RASGRP3: variants seen among roughly 807,000 people sequenced by gnomAD.
RASGRP3 encodes RAS guanyl releasing protein 3.
RASGRP3 carries 54 observed loss-of-function variants against 82.7 expected under a neutral mutation model. The ratio of observed to expected loss-of-function variants is 0.65; its 90% CI spans 0.52 to 0.82. RASGRP3 has a LOEUF of 0.82. RASGRP3 is among the 40% of genes least tolerant of loss of function. RASGRP3 has a pLI of 0.00. For synonymous variants in RASGRP3, 309 were observed against 300.5 expected, an observed-to-expected ratio of 1.03 and a Z score of -0.29; for missense variants, 861 against 828.9, an observed-to-expected ratio of 1.04 and a Z score of -0.48.
At chr2:33,478,499 C>T (rs556535445) in intron 1 of RASGRP3, among the ~76,000 whole-genome samples, 9 of 152,202 alleles carry the variant, frequency 5.9e-5, no homozygotes, top group East Asian at 1.9e-4. Context: ...CCGGAATCAT[C>T]GAGCCTCCCA....
chr2:33,554,158 A>G (rs975242474), intron 14 of RASGRP3, among the ~76,000 whole-genome samples: 3 of 151,892 alleles, frequency 2.0e-5, no homozygotes, highest in Non-Finnish European at 2.9e-5. Context: ...GTCTTTGTAT[A>G]CTCTTGAGTC....
chr2:33,526,651 C>G (rs1463028822), intron 9 of RASGRP3, among the ~76,000 whole-genome samples: 1 of 152,190 alleles, frequency 6.6e-6, no homozygotes, highest in Admixed American at 6.5e-5. Context: ...AGTGAAGTGA[C>G]TTGCTCAAGG....
At chr2:33,552,247 A>T (rs566188848) in intron 14 of RASGRP3, among the ~76,000 whole-genome samples, 8 of 152,292 alleles carry the variant, frequency 5.3e-5, no homozygotes, top group Admixed American at 1.3e-4. Flanking sequence ...CCCTGGGTTA[A>T]AGTTTTGCCC....
At chr2:33,552,475 TG>T (rs1360784702) in intron 14 of RASGRP3, among the ~76,000 whole-genome samples, 1 of 152,338 alleles carries the variant, frequency 6.6e-6, no homozygotes, top group African/African-American at 2.4e-5. Context: ...CAGCTGTTTT[TG>T]TTTTTAAAAT....
rs1191402362 is a variant in RASGRP3, at chr2:33,516,412, G to A, written c.71-130G>A. The A allele has an allele frequency of 6.5e-6, 4 of 618,926 alleles. No individual in the cohort carries two copies. The African/African-American group carries it at 7.5e-5, about 12-fold the overall frequency. The allele number at this position is 618,926 out of a possible 1,614,324, so 38.3% of individuals were successfully genotyped here. On this transcript the variant is annotated intron_variant, in intron 3 of 17. Transcript: ENST00000403687. ...ACAGAGCAAGACTCCATCTTAAAAA[G>A]AAATAAAATAAAAGATCATTTGTCT... is the stretch of plus-strand genomic sequence containing the variant.
Position 33,535,877 on chromosome 2 carries a change from G to A in RASGRP3, c.1161+1477G>A, listed in dbSNP as rs372956851. On this transcript the variant is annotated intron_variant, in intron 11 of 17. Coordinates refer to ENST00000403687, the MANE Select transcript of RASGRP3 (RefSeq NM_001139488.2). ...TTGTCATGACGAACCTGGCCATGGT[G>A]TATTAAGCCCTATTGTATGTGTGCA... 8.3e-4 allele frequency among the ~76,000 whole-genome samples: 127 copies of A among 152,316 alleles called. 1 individual carries two copies. The South Asian group carries it at 0.026, about 31-fold the overall frequency.
chr2:33,486,907 C>T (rs1452008870), intron 1 of RASGRP3, among the ~76,000 whole-genome samples: 4 of 151,872 alleles, frequency 2.6e-5, no homozygotes, highest in Non-Finnish European at 5.9e-5. Flanking sequence ...TAGTGTTTGC[C>T]CTTCTGAAGC....
In RASGRP3 at chr2:33,558,301, A is replaced by G; in HGVS notation, c.1670A>G (p.His557Arg). Residue 557 changes from histidine to arginine, a missense_variant, in exon 16 of 18, where the codon CAT becomes CGT. Transcript: ENST00000403687. ...CGGGCGCCCTCCTTGAGCAGTGGTC[A>G]TGGGTCACTGCCTGGAAGCCCCTCG... is the stretch of plus-strand genomic sequence containing the variant. Reference protein sequence around the residue: ...FARAPSLSSGHGSLPGSPSLP... With the variant: ...FARAPSLSSGRGSLPGSPSLP... 6 of 1,613,704 alleles carry G rather than the reference A, an allele frequency of 3.7e-6. No individual in the cohort carries two copies. The highest frequency in any genetic ancestry group is 5.1e-6 in the Non-Finnish European group (6 of 1,179,856).
At chr2:33,438,753 A>T (rs867679574) in intron 1 of RASGRP3, among the ~76,000 whole-genome samples, 1 of 152,192 alleles carries the variant, frequency 6.6e-6, no homozygotes, top group African/African-American at 2.4e-5. Context: ...AATTAATTAC[A>T]TAGAAATGTA....
chr2:33,464,116 T>C (rs200239480), intron 2 of RASGRP3, among the ~76,000 whole-genome samples: 1 of 121,310 alleles, frequency 8.2e-6, no homozygotes, highest in Admixed American at 7.8e-5. Context: ...TAATAATTAT[T>C]ATTATTATTA....
At chr2:33,453,910 G>A (rs1362817552) in intron 2 of RASGRP3, among the ~76,000 whole-genome samples, 1 of 152,040 alleles carries the variant, frequency 6.6e-6, no homozygotes, top group Admixed American at 6.6e-5. Flanking sequence ...GTTTTTTTGG[G>A]TTAAACAAGA....
intron 2 of RASGRP3, among the ~76,000 whole-genome samples, chr2:33,464,548 CT>C (rs1173661019): frequency 2.6e-5 from 4 of 151,810 alleles, no homozygotes; most frequent in Admixed American, 6.6e-5. Context: ...TCACAGCTCA[CT>C]GCAGCCTTGA....
chr2:33,547,386 ATAACT>A (rs1674901984), intron 13 of RASGRP3, among the ~76,000 whole-genome samples: 1 of 118,370 alleles, frequency 8.4e-6, no homozygotes, highest in Non-Finnish European at 1.6e-5. Context: ...CCTACGCAAA[ATAACT>A]TTAATAATAC....
chr2:33,528,304 G>C (rs1367574986), intron 10 of RASGRP3, among the ~76,000 whole-genome samples: 1 of 152,210 alleles, frequency 6.6e-6, no homozygotes, highest in Non-Finnish European at 1.5e-5. Context: ...ATGTGGCTTA[G>C]ACAAAAGAAG....
chr2:33,442,311 C>T (rs921482855), intron 1 of RASGRP3, among the ~76,000 whole-genome samples: 2 of 152,192 alleles, frequency 1.3e-5, no homozygotes, highest in Non-Finnish European at 2.9e-5. Context: ...TTGCAGTGAG[C>T]CAAGATCGCG....
chr2:33,528,905 A>C (rs1672832052), intron 10 of RASGRP3, among the ~76,000 whole-genome samples: 1 of 152,134 alleles, frequency 6.6e-6, no homozygotes, highest in Non-Finnish European at 1.5e-5. Flanking sequence ...TTGCCATGTA[A>C]ATCTGTTTCC....
At position 33,562,826 on chromosome 2, in the gene RASGRP3, G is replaced by A. The variant is rs1676833946; in HGVS notation, c.*89G>A. Reference sequence around the variant, plus strand: ...TGAAGAAAGCTCTGACTCTCAGGAAGTTATCTGGAAAGATACCTGGATGTT... The same window carrying A: ...TGAAGAAAGCTCTGACTCTCAGGAAATTATCTGGAAAGATACCTGGATGTT... On this transcript the variant is annotated 3_prime_UTR_variant, in exon 18 of 18. Transcript: ENST00000403687. The A allele has an allele frequency of 6.6e-7, 1 of 1,511,948 alleles. No homozygotes were observed. The allele number at this position is 1,511,948 out of a possible 1,614,324, so 93.7% of individuals were successfully genotyped here. A position where few individuals can be genotyped will look rare whatever the true frequency, so the allele number is the denominator to read the frequency against.
intron 11 of RASGRP3, among the ~76,000 whole-genome samples, chr2:33,537,401 C>A (rs1447030011): frequency 6.8e-6 from 1 of 147,446 alleles, no homozygotes; most frequent in Non-Finnish European, 1.5e-5. Context: ...TGCTGTGTCT[C>A]CCAGGCTGGA....
chr2:33,539,070 T>G lies in RASGRP3; in HGVS notation c.1162-24T>G, dbSNP rs758188132. The G allele has an allele frequency of 3.5e-6, 5 of 1,448,018 alleles. No homozygotes were observed. In the African/African-American group the frequency reaches 5.8e-5, roughly 17 times the overall value. 89.7% of individuals were successfully genotyped at this position (1,448,018 alleles called of 1,614,324 possible). ...ATAATAATAATAAAGTTGAAAAATA[T>G]GTGGTTTTTTTTTTGTTTATCAGCA... is the stretch of plus-strand genomic sequence containing the variant. On this transcript the variant is annotated intron_variant, in intron 11 of 17. Coordinates refer to ENST00000403687, the MANE Select transcript of RASGRP3 (RefSeq NM_001139488.2).
Sources: allele counts gnomAD v4.1 joint callset (sites outside exome capture counted in the v4.1 genomes callset), GRCh38; gene constraint gnomAD v4.1.1; transcripts MANE v1.5; gene names NCBI Gene and HGNC (gene_info 2026-07-23, HGNC 2026-07-21).